The following DOCK2 variants were observed in gnomAD, a reference collection of about 807,000 sequenced individuals.
The protein encoded by DOCK2 is dedicator of cytokinesis protein 2.
DOCK2 carries 87 observed loss-of-function variants against 248.9 expected under a neutral mutation model. The observed-to-expected ratio is 0.35, with a 90% CI of 0.29 to 0.42. DOCK2 has a LOEUF of 0.42. Ranked by LOEUF, DOCK2 falls within the 10% of genes least tolerant of loss-of-function variation. The pLI is 1.00. For missense variants in DOCK2, 1,747 were observed against 2,300.2 expected (o/e 0.76, Z 4.92); for synonymous variants, 805 against 821.6 (o/e 0.98, Z 0.35).
intron 6 of DOCK2, among the ~76,000 whole-genome samples, chr5:169,676,165 T>A (rs1759324649): frequency 6.6e-6 from 1 of 152,168 alleles, no homozygotes; most frequent in East Asian, 1.9e-4. Context: ...TTCCCTGATT[T>A]TCCACTACCC....
At chr5:169,806,549 C>T (rs1361864290) in intron 26 of DOCK2, among the ~76,000 whole-genome samples, 1 of 152,108 alleles carries the variant, frequency 6.6e-6, no homozygotes, top group African/African-American at 2.4e-5. Context: ...GAAAGTCAAG[C>T]TGTATGTTAA....
intron 26 of DOCK2, among the ~76,000 whole-genome samples, chr5:169,813,571 C>G (rs576563014): frequency 6.6e-6 from 1 of 152,194 alleles, no homozygotes; most frequent in Non-Finnish European, 1.5e-5. Context: ...AAGGGAGATG[C>G]CTGTGCAATT....
intron 27 of DOCK2, among the ~76,000 whole-genome samples, chr5:169,898,346 C>T (rs1011609179): frequency 1.3e-5 from 2 of 152,180 alleles, no homozygotes; most frequent in South Asian, 4.1e-4. Flanking sequence ...CCCACAGCAG[C>T]CAGGTGTACT....
At chr5:169,895,788 TG>T (rs1304445632) in intron 27 of DOCK2, among the ~76,000 whole-genome samples, 2 of 152,196 alleles carry the variant, frequency 1.3e-5, no homozygotes, top group Non-Finnish European at 2.9e-5. Context: ...ATCTCATATC[TG>T]GGTTCTCAGT....
At chr5:170,030,128 C>T (rs549945551) in intron 34 of DOCK2, among the ~76,000 whole-genome samples, 4 of 152,176 alleles carry the variant, frequency 2.6e-5, no homozygotes, top group Non-Finnish European at 5.9e-5. Context: ...AAGCAATGTA[C>T]AGTGCTGGCA....
At chr5:170,009,767 C>A (rs530155688) in intron 32 of DOCK2, among the ~76,000 whole-genome samples, 1 of 152,166 alleles carries the variant, frequency 6.6e-6, no homozygotes, top group Non-Finnish European at 1.5e-5. Context: ...CCCCTTCCAG[C>A]GAGTTCTATC....
At chr5:170,080,015 A>G (rs919203726) in intron 49 of DOCK2, 148 bp from the exon 50 acceptor site, 6 of 1,345,170 alleles carry the variant, frequency 4.5e-6, no homozygotes, top group Non-Finnish European at 6.0e-6. Context: ...CTGGCATGGA[A>G]TGGTATAATA....
intron 25 of DOCK2, among the ~76,000 whole-genome samples, chr5:169,789,879 A>G (rs987742199): frequency 6.6e-6 from 1 of 151,152 alleles, no homozygotes; most frequent in Non-Finnish European, 1.5e-5. Context: ...ATAGGGAGAA[A>G]AATGGCTGTG....
chr5:169,822,641 C>T (rs570640030), intron 26 of DOCK2, among the ~76,000 whole-genome samples: 1 of 152,124 alleles, frequency 6.6e-6, no homozygotes, highest in East Asian at 1.9e-4. Context: ...AAAATTATAG[C>T]ACTAAATGCC....
At chr5:169,871,710 G>A (rs568606408) in intron 27 of DOCK2, among the ~76,000 whole-genome samples, 2 of 152,262 alleles carry the variant, frequency 1.3e-5, no homozygotes, top group East Asian at 1.9e-4. Context: ...GGTGGTGGGG[G>A]TGGAGGTGGT....
At position 169,689,168 on chromosome 5, in the gene DOCK2, A is replaced by G. The variant is rs1458106282; in HGVS notation, c.762-84A>G. ...CCCAGCAGCCAGTATGGTGTTGGGCACATAGTAGATGCTTGGTGAATGTTT... is the reference window on the plus strand; with the variant it reads ...CCCAGCAGCCAGTATGGTGTTGGGCGCATAGTAGATGCTTGGTGAATGTTT... On this transcript the variant is annotated intron_variant, in intron 8 of 51. Coordinates refer to ENST00000520908, the MANE Select transcript of DOCK2 (RefSeq NM_004946.3). 1.0e-5 allele frequency: 14 copies of G among 1,344,148 alleles called. No homozygotes were observed. The Admixed American group carries it at 2.4e-4, about 23-fold the overall frequency. 83.3% of individuals were successfully genotyped at this position (1,344,148 alleles called of 1,614,324 possible).
intron 22 of DOCK2, among the ~76,000 whole-genome samples, chr5:169,728,681 C>A (rs1762613409): frequency 6.6e-6 from 1 of 152,174 alleles, no homozygotes; most frequent in Non-Finnish European, 1.5e-5. Flanking sequence ...GCCATCAGAG[C>A]AAGGGGTCAA....
At chr5:170,038,427 A>G (rs1490515871) in intron 36 of DOCK2, among the ~76,000 whole-genome samples, 1 of 152,266 alleles carries the variant, frequency 6.6e-6, no homozygotes, top group Non-Finnish European at 1.5e-5. Flanking sequence ...TTTGGCAGGC[A>G]GAATATTTAA....
intron 34 of DOCK2, among the ~76,000 whole-genome samples, chr5:170,029,923 C>G (rs898347834): frequency 1.4e-4 from 21 of 152,220 alleles, no homozygotes; most frequent in African/African-American, 4.3e-4. Context: ...GCCCCTGTCC[C>G]CTTCCTGTCA....
At chr5:169,816,047 C>T (rs961756910) in intron 26 of DOCK2, among the ~76,000 whole-genome samples, 3 of 152,166 alleles carry the variant, frequency 2.0e-5, no homozygotes, top group Admixed American at 6.5e-5. Context: ...ATCTCCCCTT[C>T]GAAGTTGGGA....
intron 25 of DOCK2, 141 bp downstream of exon 25, chr5:169,761,766 G>A: frequency 1.8e-6 from 1 of 560,816 alleles, no homozygotes; most frequent in African/African-American, 1.9e-5. Flanking sequence ...CTGCATAAAT[G>A]CAAAAAGTAG....
chr5:169,674,959 T>A (rs1759250102), intron 6 of DOCK2, among the ~76,000 whole-genome samples: 1 of 152,204 alleles, frequency 6.6e-6, no homozygotes, highest in Non-Finnish European at 1.5e-5. Context: ...AACCAATTAT[T>A]TGAGGTGGGA....
chr5:170,061,794 T>C (rs1213402174), intron 44 of DOCK2, among the ~76,000 whole-genome samples: 1 of 152,246 alleles, frequency 6.6e-6, no homozygotes, highest in Non-Finnish European at 1.5e-5. Context: ...CTTTCAGATA[T>C]GGCAGTCTAT....
intron 1 of DOCK2, among the ~76,000 whole-genome samples, chr5:169,641,527 CG>C (rs1757151526): frequency 1.3e-5 from 2 of 152,136 alleles, no homozygotes; most frequent in African/African-American, 4.8e-5. Flanking sequence ...ACCAGTTCAA[CG>C]AAAATGTGTG....
Sources: gnomAD v4.1 joint callset for allele counts (sites outside exome capture counted in the v4.1 genomes callset) on GRCh38, gnomAD v4.1.1 for gene constraint, MANE v1.5 for transcripts, NCBI Gene and HGNC (gene_info 2026-07-23, HGNC 2026-07-21) for gene names.